Variants in HEXB observed in about 807,000 individuals in gnomAD.
The protein encoded by HEXB is hexosaminidase subunit beta, also known as beta-hexosaminidase subunit beta.
HEXB carries 51 observed loss-of-function variants against 71.2 expected under a neutral mutation model. That is an observed-to-expected ratio of 0.72 (90% CI 0.57 to 0.90). The LOEUF (loss-of-function observed/expected upper bound fraction) is 0.90. HEXB is among the 40% of genes least tolerant of loss of function. The pLI is 0.00. For missense variants in HEXB, 617 were observed against 677.0 expected, an observed-to-expected ratio of 0.91 and a Z score of 0.98; for synonymous variants, 266 against 249.3, an observed-to-expected ratio of 1.07 and a Z score of -0.63.
At chr5:74,719,422 G>A (rs1749760489) in intron 11 of HEXB, among the ~76,000 whole-genome samples, 1 of 152,138 alleles carries the variant, frequency 6.6e-6, no homozygotes, top group South Asian at 2.1e-4. Flanking sequence ...ATCCTTGGTG[G>A]ATGGGACAGG....
intron 8 of HEXB, 120 bp downstream of exon 8, chr5:74,715,810 A>G (rs1579952355): frequency 1.4e-6 from 1 of 722,384 alleles, no homozygotes; most frequent in South Asian, 1.6e-5. Flanking sequence ...TGAGGTCAGG[A>G]GTTCAAGACC....
In HEXB at chr5:74,715,716, T is replaced by A. The variant is rs72764638; in HGVS notation, c.1082+26T>A. On this transcript the variant is annotated intron_variant, in intron 8 of 13. Transcript: ENST00000261416. ...GTAAGATGATTCCTTAAAACCCCTT[T>A]AAAAAAAAAAAAAAGAGAGGCTGGG... 143,952 of 1,200,260 alleles carry A rather than the reference T, an allele frequency of 0.12. 5,382 individuals are homozygous for A. Among genetic ancestry groups the A allele is most frequent in the African/African-American group, 0.29 (18,712 of 64,346 alleles). 74.4% of individuals were successfully genotyped at this position (1,200,260 alleles called of 1,614,324 possible). A position where few individuals can be genotyped will look rare whatever the true frequency, so the allele number is the denominator to read the frequency against.
At chr5:74,650,383 T>C (rs1748079773) in intron 1 of HEXB, among the ~76,000 whole-genome samples, 1 of 152,224 alleles carries the variant, frequency 6.6e-6, no homozygotes, top group Non-Finnish European at 1.5e-5. Context: ...AAGCAAATGA[T>C]GTTTACCTAA....
intron 6 of HEXB, among the ~76,000 whole-genome samples, chr5:74,706,493 C>T (rs926676828): frequency 2.6e-5 from 4 of 152,190 alleles, no homozygotes; most frequent in South Asian, 2.1e-4. Context: ...CAGGGTGAGG[C>T]GTTGCCTCAC....
Position 74,689,415 on chromosome 5 carries a change from C to G in HEXB, c.387C>G (p.Val129=). 2 of 1,613,300 alleles carry G rather than the reference C, an allele frequency of 1.2e-6. No homozygotes were observed. The highest frequency in any genetic ancestry group is 2.7e-5 in the African/African-American group (2 of 75,040). The change falls in exon 2 of 14, where the codon GTC becomes GTG. Residue 129 remains valine (V), a synonymous_variant. Coordinates refer to ENST00000261416, the MANE Select transcript of HEXB (RefSeq NM_000521.4). ...AAACCCAGGTTCAGCAACTTCTTGT[C>G]TCAATCACCCTTCAGTCAGAGTGTG... ...QAKTQVQQLL[V]SITLQSECDA...
At chr5:74,677,206 C>A (rs932291214) in intron 1 of HEXB, among the ~76,000 whole-genome samples, 7 of 151,934 alleles carry the variant, frequency 4.6e-5, no homozygotes, top group African/African-American at 1.7e-4. Flanking sequence ...ATCACAAATT[C>A]CAGAAACATG....
intron 9 of HEXB, chr5:74,716,913 G>A (rs1344679132): frequency 2.8e-6 from 1 of 360,938 alleles, no homozygotes; most frequent in Non-Finnish European, 5.3e-6. Flanking sequence ...GATTGGGCTG[G>A]GCATGGTGGC....
chr5:74,693,100 A>C (rs975755665), intron 2 of HEXB, among the ~76,000 whole-genome samples: 1 of 152,182 alleles, frequency 6.6e-6, no homozygotes, highest in African/African-American at 2.4e-5. Flanking sequence ...ATACTGAGGG[A>C]AGGTGGGTAC....
upstream of HEXB, among the ~76,000 whole-genome samples, chr5:74,683,449 G>T (rs1459390888): frequency 6.6e-6 from 1 of 152,090 alleles, no homozygotes; most frequent in Admixed American, 6.5e-5. Flanking sequence ...GATTACGGGC[G>T]TGTGCCAGCA....
chr5:74,690,553 G>A (rs1170362898), intron 2 of HEXB, among the ~76,000 whole-genome samples: 1 of 151,584 alleles, frequency 6.6e-6, no homozygotes, highest in Non-Finnish European at 1.5e-5. Context: ...TCGGGAGGCT[G>A]AGGCAGGAGA....
At chr5:74,694,493 G>T (rs918415197) in intron 3 of HEXB, among the ~76,000 whole-genome samples, 3 of 152,162 alleles carry the variant, frequency 2.0e-5, no homozygotes, top group Non-Finnish European at 4.4e-5. Flanking sequence ...AACTTGAAAA[G>T]CTTCTCATGA....
chr5:74,718,277 T>C lies in HEXB; in HGVS notation c.1170-14T>C. The C allele has an allele frequency of 2.0e-6, 3 of 1,511,884 alleles. No individual in the cohort carries two copies. Among genetic ancestry groups the C allele is most frequent in the Non-Finnish European group, 2.8e-6 (3 of 1,086,920 alleles). 93.7% of individuals were successfully genotyped at this position (1,511,884 alleles called of 1,614,324 possible). ...TTATGATCTAAAATAACTATAATTTTTTTGTAATACTAGGGTTTTGGATAT... is the reference window on the plus strand; with the variant it reads ...TTATGATCTAAAATAACTATAATTTCTTTGTAATACTAGGGTTTTGGATAT... On this transcript the variant is annotated splice_polypyrimidine_tract_variant and intron_variant, in intron 9 of 13. Coordinates refer to ENST00000261416, the MANE Select transcript of HEXB (RefSeq NM_000521.4).
At chr5:74,706,107 T>A (rs905484202) in intron 6 of HEXB, 3 of 152,298 alleles carry the variant, frequency 2.0e-5, no homozygotes, top group Non-Finnish European at 4.4e-5. Context: ...TCATGCCAGT[T>A]CAAACATGAA....
At chr5:74,672,952 T>C (rs1267988463) in intron 1 of HEXB, among the ~76,000 whole-genome samples, 1 of 152,242 alleles carries the variant, frequency 6.6e-6, no homozygotes, top group Non-Finnish European at 1.5e-5. Context: ...TTGCTTCTTG[T>C]GGCATCAGAG....
intron 5 of HEXB, among the ~76,000 whole-genome samples, chr5:74,698,168 G>C (rs1031641863): frequency 1.3e-5 from 2 of 151,486 alleles, no homozygotes; most frequent in Non-Finnish European, 2.9e-5. Flanking sequence ...ACCTCTGCCT[G>C]ACAGGTTCAA....
chr5:74,694,370 T>A (rs1468205804), intron 3 of HEXB, among the ~76,000 whole-genome samples: 1 of 152,224 alleles, frequency 6.6e-6, no homozygotes, highest in Non-Finnish European at 1.5e-5. Flanking sequence ...CAAGCATCTC[T>A]CTTCCCTAAT....
chr5:74,658,562 C>T (rs1221632724), intron 1 of HEXB, among the ~76,000 whole-genome samples: 1 of 151,950 alleles, frequency 6.6e-6, no homozygotes, highest in Non-Finnish European at 1.5e-5. Context: ...ATCAATCAAT[C>T]AATCAGTCAT....
At chr5:74,712,421 A>G (rs1263572615) in intron 6 of HEXB, among the ~76,000 whole-genome samples, 1 of 146,772 alleles carries the variant, frequency 6.8e-6, no homozygotes, top group African/African-American at 2.7e-5. Flanking sequence ...CCTAAAACTT[A>G]AAGTATGATA....
intron 6 of HEXB, among the ~76,000 whole-genome samples, chr5:74,712,434 A>T (rs1360123670): frequency 1.8e-5 from 2 of 108,882 alleles, no homozygotes; most frequent in African/African-American, 9.3e-5. Flanking sequence ...GTATGATAAT[A>T]ATAAAAAAAA....
Sources: allele counts gnomAD v4.1 joint callset (sites outside exome capture counted in the v4.1 genomes callset), GRCh38; gene constraint gnomAD v4.1.1; transcripts MANE v1.5; gene names NCBI Gene and HGNC (gene_info 2026-07-23, HGNC 2026-07-21).